The following HIVEP1 variants were observed in gnomAD, a reference collection of about 807,000 sequenced individuals.
HIVEP1 encodes the protein HIVEP zinc finger 1.
A neutral mutation model predicts 180.0 loss-of-function variants in HIVEP1; 36 were observed. That is an observed-to-expected ratio of 0.20 (90% CI 0.15 to 0.26). The LOEUF (loss-of-function observed/expected upper bound fraction) is 0.26. Among genes scored for constraint, HIVEP1 ranks in the 10% least tolerant of loss-of-function variants. The probability of loss-of-function intolerance (pLI) is 1.00; values close to 1 mark genes in which losing one functional copy is unlikely to be tolerated. For missense variants in HIVEP1, 3,143 were observed against 3,268.7 expected (o/e 0.96, Z 0.94); for synonymous variants, 1,239 against 1,239.0 (o/e 1.00, Z 0.00).
intron 3 of HIVEP1, among the ~76,000 whole-genome samples, chr6:12,095,081 A>G (rs955687460): frequency 2.1e-4 from 32 of 151,554 alleles, no homozygotes; most frequent in Admixed American, 1.4e-3. Flanking sequence ...ACTCTCTTTC[A>G]TTTCTGCTGG....
rs547761208 is a variant in HIVEP1 at position 12,142,618 on chromosome 6, C to T, written c.6487+6726C>T. 3.9e-5 allele frequency among the ~76,000 whole-genome samples: 6 copies of T among 152,046 alleles called. No individual in the cohort carries two copies. In the South Asian group the frequency reaches 1.2e-3, roughly 32 times the overall value. Reference sequence around the variant, plus strand: ...GGAGCTGGTTTTTTGAAAAGATCAACAAAATTGATAGACTGCTAGCAAGAC... The same window carrying T: ...GGAGCTGGTTTTTTGAAAAGATCAATAAAATTGATAGACTGCTAGCAAGAC... On this transcript the variant is annotated intron_variant, in intron 7 of 8. Transcript: ENST00000379388.
intron 2 of HIVEP1, among the ~76,000 whole-genome samples, chr6:12,062,175 C>T (rs190404598): frequency 1.5e-3 from 223 of 152,168 alleles, no homozygotes; most frequent in African/African-American, 5.2e-3. Context: ...TGCCACTGAA[C>T]AAATTTGTAG....
At chr6:12,188,058 T>C in the HIVEP1 span, among the ~76,000 whole-genome samples, 1 of 152,152 alleles carries the variant, frequency 6.6e-6, no homozygotes, top group Non-Finnish European at 1.5e-5. Context: ...ATCTAGAAAA[T>C]TATCCTTTAA....
chr6:12,069,621 T>C (rs1419218658), intron 2 of HIVEP1, among the ~76,000 whole-genome samples: 3 of 150,136 alleles, frequency 2.0e-5, no homozygotes, highest in Non-Finnish European at 4.4e-5. Flanking sequence ...TACCTAATGC[T>C]AGATGACGAG....
In HIVEP1 at chr6:12,130,749, T is replaced by C. The variant is rs1441452081; in HGVS notation, c.6210-18T>C. ...CATAGTGTCCAATCTCCCTATTCAT[T>C]TTTTTTCTTTAAATTAGATATAAGT... is the stretch of plus-strand genomic sequence containing the variant. On this transcript the variant is annotated intron_variant, in intron 5 of 8. Coordinates refer to ENST00000379388, the MANE Select transcript of HIVEP1 (RefSeq NM_002114.4). 2 of 1,470,652 alleles carry C rather than the reference T, an allele frequency of 1.4e-6. No individual in the cohort carries two copies. The highest frequency in any genetic ancestry group is 4.6e-5 in the East Asian group (2 of 43,618). 91.1% of individuals were successfully genotyped at this position (1,470,652 alleles called of 1,614,324 possible). A position where few individuals can be genotyped will look rare whatever the true frequency, so the allele number is the denominator to read the frequency against.
At chr6:12,088,540 A>T (rs1192863977) in intron 2 of HIVEP1, among the ~76,000 whole-genome samples, 1 of 152,146 alleles carries the variant, frequency 6.6e-6, no homozygotes, top group Non-Finnish European at 1.5e-5. Context: ...GGAGCAAGGC[A>T]CTGCTCCCAA....
chr6:12,050,127 G>A (rs1770399424), intron 2 of HIVEP1, among the ~76,000 whole-genome samples: 1 of 152,126 alleles, frequency 6.6e-6, no homozygotes, highest in African/African-American at 2.4e-5. Flanking sequence ...CTAAATGCCA[G>A]GCACCTACTC....
At chr6:12,080,352 A>C (rs9462447) in intron 2 of HIVEP1, among the ~76,000 whole-genome samples, 27,751 of 152,094 alleles carry the variant, frequency 0.18, 2,632 homozygotes, top group Middle Eastern at 0.33. Flanking sequence ...TATGGGTAAA[A>C]ACATATTTAG....
At chr6:12,210,020 TTGAACCTAGGAGATGGAGGTTGCAG>T in the HIVEP1 span, among the ~76,000 whole-genome samples, 1 of 152,036 alleles carries the variant, frequency 6.6e-6, no homozygotes, top group Non-Finnish European at 1.5e-5. Flanking sequence ...GGAGAATCGC[TTGAACCTAGGAGATGGAGGTTGCAG>T]TGAACCAGGA....
chr6:12,018,772 G>C (rs1176608295), intron 2 of HIVEP1, among the ~76,000 whole-genome samples: 1 of 152,132 alleles, frequency 6.6e-6, no homozygotes. Context: ...AATAACTTGG[G>C]GACTCTGAGC....
Position 12,163,310 on chromosome 6 carries a change from G to A in HIVEP1, c.7006G>A (p.Ala2336Thr). ...CCCATCATCTGTAAGACTTCCTCCT[G>A]CTGCAGCTGAGCACAGCCCCCAGAC... ...QSPSSVRLPP[A>T]AAEHSPQTAA... Residue 2336 changes from alanine to threonine, a missense_variant, in exon 9 of 9, where the codon GCT becomes ACT. Ala to Thr is a moderately conservative substitution (Grantham distance 58). This residue lies in a region of HIVEP1 where 595 missense variants were observed against 602.2 expected (regional missense o/e 0.99). Coordinates refer to ENST00000379388, the MANE Select transcript of HIVEP1 (RefSeq NM_002114.4). 2.5e-6 allele frequency: 4 copies of A among 1,614,010 alleles called. No homozygotes were observed. Among genetic ancestry groups the A allele is most frequent in the Non-Finnish European group, 2.5e-6 (3 of 1,179,966 alleles).
At chr6:12,118,802 C>T (rs1192773676) in intron 3 of HIVEP1, among the ~76,000 whole-genome samples, 1 of 152,334 alleles carries the variant, frequency 6.6e-6, no homozygotes, top group East Asian at 1.9e-4. Flanking sequence ...ATAATTGCTA[C>T]ATCAGCAATA....
intron 6 of HIVEP1, among the ~76,000 whole-genome samples, chr6:12,134,174 C>A (rs759903636): frequency 2.6e-5 from 4 of 152,048 alleles, no homozygotes; most frequent in Non-Finnish European, 5.9e-5. Flanking sequence ...TAATGAACAC[C>A]ATTGTGTGCA....
chr6:12,146,727 GT>G (rs985282578), intron 7 of HIVEP1, among the ~76,000 whole-genome samples: 3 of 151,738 alleles, frequency 2.0e-5, no homozygotes, highest in Admixed American at 2.0e-4. Context: ...GATCTGTTCT[GT>G]TTTTTAATAG....
the HIVEP1 span, among the ~76,000 whole-genome samples, chr6:12,208,117 T>C: frequency 6.6e-6 from 1 of 152,232 alleles, no homozygotes; most frequent in Non-Finnish European, 1.5e-5. Context: ...GTGATTATTC[T>C]GGTCAATGCT....
At chr6:12,099,603 C>T (rs1773990532) in intron 3 of HIVEP1, among the ~76,000 whole-genome samples, 1 of 152,116 alleles carries the variant, frequency 6.6e-6, no homozygotes, top group Non-Finnish European at 1.5e-5. Flanking sequence ...CAACTCACTT[C>T]TCCACACCCT....
At position 12,121,541 on chromosome 6, in the gene HIVEP1, T is replaced by A; in HGVS notation, c.1746T>A (p.Asp582Glu). Reference protein sequence around the residue: ...PLRTDSPKAMDPKPELSSAQK... With the variant: ...PLRTDSPKAMEPKPELSSAQK... ...GAACTGACAGTCCAAAGGCCATGGA[T>A]CCCAAGCCTGAACTTTCTAGTGCAC... Residue 582 changes from aspartate to glutamate, a missense_variant, in exon 4 of 9, where the codon GAT (aspartate) becomes GAA (glutamate). Coordinates refer to ENST00000379388, the MANE Select transcript of HIVEP1 (RefSeq NM_002114.4). This position sits in a 1 kb window ranked among gnomAD's most constrained non-coding sequence, Gnocchi z 5.3. The A allele has an allele frequency of 6.2e-7, 1 of 1,614,114 alleles. No homozygotes were observed. Among genetic ancestry groups the A allele is most frequent in the Non-Finnish European group, 8.5e-7 (1 of 1,180,014 alleles).
At chr6:12,099,259 G>A (rs1296127640) in intron 3 of HIVEP1, among the ~76,000 whole-genome samples, 1 of 149,222 alleles carries the variant, frequency 6.7e-6, no homozygotes, top group East Asian at 2.0e-4. Context: ...TCGGCTCACT[G>A]CGGGTTCACG....
rs770155074 is a variant in HIVEP1, at chr6:12,119,879, G to A, written c.95-11G>A. 1 of 1,516,300 alleles carries A rather than the reference G, an allele frequency of 6.6e-7. No individual in the cohort carries two copies. Among genetic ancestry groups the A allele is most frequent in the Non-Finnish European group, 8.8e-7 (1 of 1,130,496 alleles). 93.9% of individuals were successfully genotyped at this position (1,516,300 alleles called of 1,614,324 possible). A position where few individuals can be genotyped will look rare whatever the true frequency, so the allele number is the denominator to read the frequency against. ...TTACCAATTGTTTGTTGTTGTTGTT[G>A]TTTTTTCCAGAAATCTTACAGGCTG... is the stretch of plus-strand genomic sequence containing the variant. On this transcript the variant is annotated splice_polypyrimidine_tract_variant and intron_variant, in intron 3 of 8. Coordinates refer to ENST00000379388, the MANE Select transcript of HIVEP1 (RefSeq NM_002114.4).
Sources: gnomAD v4.1 joint callset for allele counts (sites outside exome capture counted in the v4.1 genomes callset) on GRCh38, gnomAD v4.1.1 for gene constraint, gnomAD v4.1.1 regional missense constraint, Gnocchi (gnomAD v3.1) non-coding constraint, MANE v1.5 for transcripts, NCBI Gene and HGNC (gene_info 2026-07-23, HGNC 2026-07-21) for gene names.